The following NTSR2 variants were observed in gnomAD, a reference collection of about 807,000 sequenced individuals.
The protein encoded by NTSR2 is neurotensin receptor type 2.
In NTSR2, 22 loss-of-function variants were observed where a neutral mutation model predicts 24.1. The observed-to-expected ratio is 0.91, with a 90% CI of 0.65 to 1.30. The LOEUF is 1.30. Among genes scored for constraint, NTSR2 ranks in the 50% most tolerant of loss-of-function variants. NTSR2 has a pLI of 0.00. For synonymous variants in NTSR2, 291 were observed against 267.0 expected (o/e 1.09, Z -0.88); for missense variants, 570 against 570.4 (o/e 1.00, Z 0.01).
At chr2:11,665,019 A>G (rs1195868879) in intron 1 of NTSR2, among the ~76,000 whole-genome samples, 1 of 149,662 alleles carries the variant, frequency 6.7e-6, no homozygotes, top group East Asian at 2.0e-4. Flanking sequence ...TGAGCAGCAT[A>G]TTCAAAACAC....
At chr2:11,660,615 C>G (rs1661050013) in intron 2 of NTSR2, among the ~76,000 whole-genome samples, 1 of 152,072 alleles carries the variant, frequency 6.6e-6, no homozygotes, top group South Asian at 2.1e-4. Flanking sequence ...GTGGCAGGTG[C>G]CTGTAATCCC....
chr2:11,669,460 G>GGGGGGGCCC, intron 1 of NTSR2, 46 bp downstream of exon 1: 1 of 254,726 alleles, frequency 3.9e-6, no homozygotes, highest in Non-Finnish European at 6.9e-6. Flanking sequence ...TCCCAGCACC[G>GGGGGGGCCC]CCCCCCCACC....
chr2:11,664,113 A>G (rs185258335), intron 1 of NTSR2, among the ~76,000 whole-genome samples: 9 of 145,660 alleles, frequency 6.2e-5, no homozygotes, highest in Admixed American at 4.3e-4. Flanking sequence ...CTTAGCAAAC[A>G]TTTTAAACAC....
chr2:11,669,459 C>CCGGGCCGGGG, intron 1 of NTSR2, 47 bp downstream of exon 1: 1 of 337,894 alleles, frequency 3.0e-6, no homozygotes, highest in Non-Finnish European at 5.3e-6. Flanking sequence ...CTCCCAGCAC[C>CCGGGCCGGGG]GCCCCCCCAC....
intron 1 of NTSR2, chr2:11,665,890 A>T: frequency 6.4e-6 from 1 of 155,744 alleles, no homozygotes; most frequent in East Asian, 1.8e-4. Context: ...GCCTCAGCCT[A>T]CTTTGCAGTC....
intron 1 of NTSR2, among the ~76,000 whole-genome samples, chr2:11,667,813 T>C (rs1014624382): frequency 2.6e-5 from 4 of 152,208 alleles, no homozygotes; most frequent in African/African-American, 9.6e-5. Flanking sequence ...CAGGTGCGCA[T>C]TGGAGCCCCC....
At chr2:11,658,997 C>T (rs1420749364) in intron 3 of NTSR2, among the ~76,000 whole-genome samples, 5 of 152,150 alleles carry the variant, frequency 3.3e-5, no homozygotes, top group African/African-American at 1.2e-4. Context: ...GGACTACAGG[C>T]ACACACCACC....
In NTSR2 at chr2:11,658,210, A is replaced by G. The variant is rs1392604412; in HGVS notation, c.*269T>C. ...AGCAAAAATTTATTGAGCATCTACT[A>G]CGCACCAGGTTCTGTGCTAAGCACT... On this transcript the variant is annotated 3_prime_UTR_variant, in exon 4 of 4. Transcript: ENST00000306928. 2 of 356,972 alleles carry G rather than the reference A, an allele frequency of 5.6e-6. No individual in the cohort carries two copies. Among genetic ancestry groups the G allele is most frequent in the Non-Finnish European group, 1.0e-5 (2 of 199,060 alleles). 22.1% of individuals were successfully genotyped at this position (356,972 alleles called of 1,614,324 possible).
At chr2:11,669,460 G>GC (rs780935867) in intron 1 of NTSR2, 46 bp downstream of exon 1, 45 of 256,510 alleles carry the variant, frequency 1.8e-4, no homozygotes, top group Middle Eastern at 2.0e-3. Context: ...TCCCAGCACC[G>GC]CCCCCCCACC....
chr2:11,659,659 C>A (rs143060330), intron 3 of NTSR2, among the ~76,000 whole-genome samples: 52 of 152,302 alleles, frequency 3.4e-4, no homozygotes, highest in Non-Finnish European at 8.8e-5. Flanking sequence ...CCAAGGGGAC[C>A]TTTGTTAGCT....
At chr2:11,668,995 G>A (rs1458229013) in intron 1 of NTSR2, among the ~76,000 whole-genome samples, 2 of 152,132 alleles carry the variant, frequency 1.3e-5, no homozygotes, top group African/African-American at 4.8e-5. Context: ...AGGTGTGGGG[G>A]GACAAGTGGC....
At chr2:11,669,460 G>GGGGGGGGGGGGGGGGGGCCCCCCCCCCCC in intron 1 of NTSR2, 46 bp downstream of exon 1, 3 of 254,724 alleles carry the variant, frequency 1.2e-5, no homozygotes, top group Non-Finnish European at 2.1e-5. Context: ...TCCCAGCACC[G>GGGGGGGGGGGGGGGGGGCCCCCCCCCCCC]CCCCCCCACC....
intron 3 of NTSR2, among the ~76,000 whole-genome samples, chr2:11,659,409 C>T (rs1661020672): frequency 6.6e-6 from 1 of 152,252 alleles, no homozygotes; most frequent in Non-Finnish European, 1.5e-5. Context: ...AGGTTCTCTG[C>T]AGTGGGAAGC....
chr2:11,661,328 C>T (rs1011795175), intron 2 of NTSR2, among the ~76,000 whole-genome samples: 2 of 152,238 alleles, frequency 1.3e-5, no homozygotes, highest in African/African-American at 4.8e-5. Context: ...CCTTCATGTG[C>T]TGACTTTGTG....
chr2:11,669,459 C>CGGGGGGCGGGGGG, intron 1 of NTSR2, 47 bp downstream of exon 1: 1 of 337,896 alleles, frequency 3.0e-6, no homozygotes, highest in Non-Finnish European at 5.3e-6. Flanking sequence ...CTCCCAGCAC[C>CGGGGGGCGGGGGG]GCCCCCCCAC....
Position 11,669,586 on chromosome 2 carries a change from T to C in NTSR2, c.544A>G (p.Thr182Ala). The change falls in exon 1 of 4, where the codon ACG becomes GCG. Residue 182 changes from threonine (T) to alanine (A), a missense_variant. Transcript: ENST00000306928. ...VIMGQKHELE[T>A]ADGEPEPASR... ...GCGGGCTCCGGCTCCCCGTCCGCCG[T>C]CTCGAGTTCGTGCTTCTGCCCCATG... is the stretch of plus-strand genomic sequence containing the variant. 5 of 1,581,792 alleles carry C rather than the reference T, an allele frequency of 3.2e-6. No homozygotes were observed. Among genetic ancestry groups the C allele is most frequent in the East Asian group, 2.3e-5 (1 of 43,868 alleles).
intron 1 of NTSR2, 48 bp downstream of exon 1, chr2:11,669,458 C>CCGGGGGGGGGG: frequency 6.2e-6 from 2 of 323,366 alleles, no homozygotes; most frequent in Non-Finnish European, 1.1e-5. Flanking sequence ...CCTCCCAGCA[C>CCGGGGGGGGGG]CGCCCCCCCA....
Position 11,669,891 on chromosome 2 carries a change from A to T in NTSR2, c.239T>A (p.Leu80Gln). The T allele has an allele frequency of 6.3e-7, 1 of 1,576,912 alleles. No individual in the cohort carries two copies. The change falls in exon 1 of 4, where the codon CTG (leucine) becomes CAG (glutamine). Residue 80 changes from leucine (L) to glutamine (Q), a missense_variant. By Grantham distance (113) the Leu-to-Gln change is moderately radical (BLOSUM62 -2). Transcript: ENST00000306928. ...CGGCACGCCGACCAGCAGCAGCAGC[A>T]GGCCCGCGAGCGCCAGGCTGAGCAC... ...HHVLSLALAG[L>Q]LLLLVGVPVE...
rs1227438548 is a variant in NTSR2 at position 11,669,772 on chromosome 2, A to G, written c.358T>C (p.Tyr120His). 1.4e-5 allele frequency: 21 copies of G among 1,546,374 alleles called. No homozygotes were observed. The highest frequency in any genetic ancestry group is 1.6e-5 in the Non-Finnish European group (18 of 1,152,746). ...CCTGCCACGCTCAGCACCGTGGCGT[A>G]GGCGCACAGCTCGTGCACGAAGTAG... ...GYYFVHELCA[Y>H]ATVLSVAGLS... Residue 120 changes from tyrosine to histidine, a missense_variant, in exon 1 of 4, where the codon TAC becomes CAC. Physicochemically the swap from Tyr to His is moderately conservative, Grantham distance 83 (BLOSUM62 2). Coordinates refer to ENST00000306928, the MANE Select transcript of NTSR2 (RefSeq NM_012344.4).
Sources: gnomAD v4.1 joint callset for allele counts (sites outside exome capture counted in the v4.1 genomes callset) on GRCh38, gnomAD v4.1.1 for gene constraint, MANE v1.5 for transcripts, NCBI Gene and HGNC (gene_info 2026-07-23, HGNC 2026-07-21) for gene names.